The following PPFIBP1 variants were observed in gnomAD, a reference collection of about 807,000 sequenced individuals.
PPFIBP1 encodes the protein liprin-beta-1.
Under a neutral mutation model 137.8 loss-of-function variants are expected in PPFIBP1, and 112 were observed. The observed-to-expected ratio is 0.81, with a 90% CI of 0.70 to 0.95. The LOEUF (loss-of-function observed/expected upper bound fraction) is 0.95, where lower values mean the gene tolerates loss of function less well. Among genes scored for constraint, PPFIBP1 ranks in the 40% least tolerant of loss-of-function variants. The probability of loss-of-function intolerance (pLI) is 0.00; values close to 1 mark genes in which losing one functional copy is unlikely to be tolerated. For synonymous variants in PPFIBP1, 378 were observed against 417.3 expected (o/e 0.91, Z 1.15); for missense variants, 1,083 against 1,196.6 (o/e 0.91, Z 1.40).
chr12:27,619,184 A>G (rs2056087962), intron 2 of PPFIBP1, among the ~76,000 whole-genome samples: 1 of 152,120 alleles, frequency 6.6e-6, no homozygotes, highest in Non-Finnish European at 1.5e-5. Flanking sequence ...TCCCACAGAT[A>G]TCAAAATCCA....
intron 13 of PPFIBP1, among the ~76,000 whole-genome samples, chr12:27,670,792 A>T (rs2060139105): frequency 6.8e-6 from 1 of 146,934 alleles, no homozygotes; most frequent in South Asian, 2.1e-4. Context: ...AAAAAAAAAA[A>T]AAAATAATAA....
At chr12:27,585,783 T>C (rs11049058) in intron 2 of PPFIBP1, among the ~76,000 whole-genome samples, 46,758 of 151,688 alleles carry the variant, frequency 0.31, 7,717 homozygotes, top group African/African-American at 0.4. Flanking sequence ...CATTTGGGAG[T>C]GGGTGGGCAG....
chr12:27,637,597 A>T (rs1322433142), intron 4 of PPFIBP1, among the ~76,000 whole-genome samples: 1 of 152,176 alleles, frequency 6.6e-6, no homozygotes, highest in Non-Finnish European at 1.5e-5. Flanking sequence ...CCTTGCCCCC[A>T]ACCTTCCAAA....
rs531472895 is a variant in PPFIBP1 at position 27,686,204 on chromosome 12, A to G, written c.2248-1181A>G. On this transcript the variant is annotated intron_variant, in intron 24 of 29. Transcript: ENST00000228425. Reference sequence around the variant, plus strand: ...AATTTTTGCCTGGTTAGTAGCCTCAAGGATTTAAACTGATTAATATTTTTA... The same window carrying G: ...AATTTTTGCCTGGTTAGTAGCCTCAGGGATTTAAACTGATTAATATTTTTA... Among the ~76,000 whole-genome samples, 3 of 152,330 alleles carry G rather than the reference A, an allele frequency of 2.0e-5. No homozygotes were observed. The South Asian group carries it at 6.2e-4, about 32-fold the overall frequency.
chr12:27,625,174 A>G (rs2056705983), intron 2 of PPFIBP1, among the ~76,000 whole-genome samples: 1 of 152,088 alleles, frequency 6.6e-6, no homozygotes. Context: ...GCTTGAGCCC[A>G]GAGAGGTTGA....
intron 10 of PPFIBP1, among the ~76,000 whole-genome samples, chr12:27,660,276 G>T (rs560355218): frequency 6.6e-6 from 1 of 152,232 alleles, no homozygotes; most frequent in Admixed American, 6.5e-5. Context: ...AAATTTTAAG[G>T]AGAATCACAT....
At chr12:27,611,785 GCTCTCTCTCTCT>G (rs10549025) in intron 2 of PPFIBP1, among the ~76,000 whole-genome samples, 3 of 138,030 alleles carry the variant, frequency 2.2e-5, no homozygotes, top group South Asian at 2.3e-4. Flanking sequence ...TCAACACTGT[GCTCTCTCTCTCT>G]CTCTCTCTCT....
chr12:27,668,807 G>A (rs950411573), intron 13 of PPFIBP1, among the ~76,000 whole-genome samples: 1 of 152,012 alleles, frequency 6.6e-6, no homozygotes, highest in Non-Finnish European at 1.5e-5. Flanking sequence ...CAATGAGACC[G>A]CACTACTGTA....
chr12:27,548,363 T>G (rs1169733547), intron 1 of PPFIBP1: 1 of 152,202 alleles, frequency 6.6e-6, no homozygotes, highest in African/African-American at 2.4e-5. Flanking sequence ...TAGGAGGTTA[T>G]AGCTTTGGTT....
At chr12:27,609,426 A>T (rs530390836) in intron 2 of PPFIBP1, among the ~76,000 whole-genome samples, 1 of 152,158 alleles carries the variant, frequency 6.6e-6, no homozygotes, top group Non-Finnish European at 1.5e-5. Context: ...ACAGTCACTC[A>T]GAAAGTCCCA....
intron 1 of PPFIBP1, among the ~76,000 whole-genome samples, chr12:27,541,276 A>G (rs982164497): frequency 1.3e-5 from 2 of 151,820 alleles, no homozygotes; most frequent in African/African-American, 2.4e-5. Context: ...AAAAAAAAAT[A>G]GAGAAAGTTG....
At chr12:27,661,605 G>A (rs1007294093) in intron 11 of PPFIBP1, among the ~76,000 whole-genome samples, 9 of 152,268 alleles carry the variant, frequency 5.9e-5, no homozygotes, top group Middle Eastern at 3.4e-3. Flanking sequence ...GCAGGCAGCC[G>A]CAGCTGTGTT....
chr12:27,592,600 T>G, intron 2 of PPFIBP1: 1 of 1,588,976 alleles, frequency 6.3e-7, no homozygotes, highest in South Asian at 1.1e-5. Context: ...GGAGAGGATA[T>G]GCTGCCTCAG....
At chr12:27,644,249 T>TTG (rs1229089087) in intron 4 of PPFIBP1, among the ~76,000 whole-genome samples, 1 of 39,096 alleles carries the variant, frequency 2.6e-5, no homozygotes, top group Non-Finnish European at 6.2e-5. Flanking sequence ...GCTAAGTTTT[T>TTG]TTTTTTTTTT....
At chr12:27,674,832 T>TTG (rs60989121) in intron 17 of PPFIBP1, among the ~76,000 whole-genome samples, 4 of 147,108 alleles carry the variant, frequency 2.7e-5, no homozygotes, top group Non-Finnish European at 1.5e-5. Flanking sequence ...TTTTTTTTTT[T>TTG]GAAATGGTAT....
intron 2 of PPFIBP1, among the ~76,000 whole-genome samples, chr12:27,619,620 T>A (rs1349071619): frequency 6.6e-6 from 1 of 152,238 alleles, no homozygotes; most frequent in Non-Finnish European, 1.5e-5. Context: ...AAATGGCCAC[T>A]CCATCCTCCT....
At chr12:27,618,288 C>T (rs1240717860) in intron 2 of PPFIBP1, among the ~76,000 whole-genome samples, 1 of 152,134 alleles carries the variant, frequency 6.6e-6, no homozygotes, top group Non-Finnish European at 1.5e-5. Context: ...AAGGGCATTC[C>T]AAAGTTAACC....
At chr12:27,674,144 A>G (rs1376601023) in intron 16 of PPFIBP1, 48 bp from the exon 17 acceptor site, 1 of 1,450,130 alleles carries the variant, frequency 6.9e-7, no homozygotes, top group Non-Finnish European at 9.5e-7. Context: ...TCAGAATTAT[A>G]CAAAGGATTT....
intron 5 of PPFIBP1, among the ~76,000 whole-genome samples, chr12:27,646,949 T>C (rs867830772): frequency 1.3e-5 from 2 of 152,196 alleles, no homozygotes; most frequent in African/African-American, 4.8e-5. Flanking sequence ...TTTGAACACA[T>C]CTATGATCTG....
Sources: allele counts gnomAD v4.1 joint callset (sites outside exome capture counted in the v4.1 genomes callset), GRCh38; gene constraint gnomAD v4.1.1; transcripts MANE v1.5; gene names NCBI Gene and HGNC (gene_info 2026-07-23, HGNC 2026-07-21).